The following SP3 variants were observed in gnomAD, a reference collection of about 807,000 sequenced individuals.
SP3 encodes Sp3 transcription factor.
Under a neutral mutation model 70.3 loss-of-function variants are expected in SP3, and 10 were observed. The ratio of observed to expected loss-of-function variants is 0.14; its 90% CI spans 0.09 to 0.24. The LOEUF is 0.24. SP3 is among the 10% of genes least tolerant of loss of function. The probability of loss-of-function intolerance (pLI) is 1.00; values close to 1 mark genes in which losing one functional copy is unlikely to be tolerated. For missense variants in SP3, 825 were observed against 914.6 expected (o/e 0.90, Z 1.26); for synonymous variants, 402 against 333.5 (o/e 1.21, Z -2.24).
At chr2:173,913,535 T>C in intron 5 of SP3, 1 of 235,534 alleles carries the variant, frequency 4.2e-6, no homozygotes, top group Non-Finnish European at 8.1e-6. Flanking sequence ...AAAGGACATT[T>C]CATATGTAAA....
At position 173,955,718 on chromosome 2, in the gene SP3, G is replaced by C. The variant is rs762983439; in HGVS notation, c.794C>G (p.Thr265Arg). ...ATCGACACTATTGATTGGTACAAAC[G>C]TAATATTTCCTGGCAGACCAAGAGG... ...NVPLGLPGNI[T>R]FVPINSVDLD... is the part of the protein sequence containing the mutation. Residue 265 changes from threonine to arginine, a missense_variant, in exon 4 of 7, where the codon ACG (threonine) becomes AGG (arginine). By Grantham distance (71) the Thr-to-Arg change is moderately conservative. Around this residue, in one of 4 missense-constraint regions of SP3, gnomAD observed 678 missense variants for 651.6 expected, o/e 1.04. Transcript: ENST00000310015. 2.5e-6 allele frequency: 4 copies of C among 1,614,164 alleles called. No individual in the cohort carries two copies. Among genetic ancestry groups the C allele is most frequent in the Non-Finnish European group, 3.4e-6 (4 of 1,180,036 alleles).
intron 3 of SP3, among the ~76,000 whole-genome samples, chr2:173,956,608 T>C (rs542561445): frequency 2.6e-5 from 4 of 152,302 alleles, no homozygotes; most frequent in African/African-American, 7.2e-5. Context: ...AACATAAGCA[T>C]AGTGTATTAA....
chr2:173,909,008 G>A lies in SP3; in HGVS notation c.*933C>T, dbSNP rs768426011. The stretch of plus-strand genomic sequence containing the variant: ...GTATCGTCACTATGGAAGTGATTTT[G>A]TTATGTTTGCATATGTTACACTTTA... On this transcript the variant is annotated 3_prime_UTR_variant, in exon 7 of 7. Transcript: ENST00000310015. 4 of 152,048 alleles carry A rather than the reference G, an allele frequency of 2.6e-5. No individual in the cohort carries two copies. The highest frequency in any genetic ancestry group is 5.9e-5 in the Non-Finnish European group (4 of 67,846). 9.4% of individuals were successfully genotyped at this position (152,048 alleles called of 1,614,324 possible).
rs571674239 is a variant in SP3 at position 173,964,304 on chromosome 2, G to A, written c.156+101C>T. The A allele has an allele frequency of 1.2e-3, 687 of 574,378 alleles. 5 individuals are homozygous for A. The African/African-American group carries it at 0.012, about 10-fold the overall frequency. 35.6% of individuals were successfully genotyped at this position (574,378 alleles called of 1,614,324 possible). ...GGGGAGGGGAGTGGAGGGGAGGGGA[G>A]AGACGAGGAGGGAGGGGTGAGGCGA... On this transcript the variant is annotated intron_variant, in intron 2 of 6. Coordinates refer to ENST00000310015, the MANE Select transcript of SP3 (RefSeq NM_003111.5).
intron 6 of SP3, among the ~76,000 whole-genome samples, chr2:173,911,813 C>CTTTTTTTTTTTTTTTTTT: frequency 1.0e-5 from 1 of 98,042 alleles, no homozygotes; most frequent in Non-Finnish European, 1.9e-5. Context: ...TTTTATCTAC[C>CTTTTTTTTTTTTTTTTTT]TTTTTTTTTT....
At chr2:173,954,327 T>A (rs940631208) in intron 4 of SP3, among the ~76,000 whole-genome samples, 1 of 152,190 alleles carries the variant, frequency 6.6e-6, no homozygotes, top group African/African-American at 2.4e-5. Flanking sequence ...AATCAAAGAA[T>A]TTTTGGTCTG....
intron 1 of SP3, 102 bp from the exon 2 acceptor site, chr2:173,964,655 C>T: frequency 3.9e-6 from 2 of 514,638 alleles, no homozygotes; most frequent in South Asian, 4.7e-5. Flanking sequence ...AGCCCGGACC[C>T]AGGCCCCTTC....
At chr2:173,924,641 G>C (rs1200498112) in intron 4 of SP3, among the ~76,000 whole-genome samples, 1 of 152,150 alleles carries the variant, frequency 6.6e-6, no homozygotes, top group Non-Finnish European at 1.5e-5. Flanking sequence ...AGGTTATGTA[G>C]TTTGCCTGAA....
intron 4 of SP3, among the ~76,000 whole-genome samples, chr2:173,947,761 G>A (rs1431821813): frequency 1.3e-5 from 2 of 152,070 alleles, no homozygotes; most frequent in African/African-American, 2.4e-5. Flanking sequence ...TGGAATTTAG[G>A]TTTGCAGGAT....
Position 173,955,388 on chromosome 2 carries a change from G to A in SP3, c.1124C>T (p.Ser375Leu), listed in dbSNP as rs1296180558. 1.9e-6 allele frequency: 3 copies of A among 1,613,996 alleles called. No homozygotes were observed. The highest frequency in any genetic ancestry group is 1.3e-5 in the African/African-American group (1 of 74,990). ...SSDLQGNYIQ[S>L]PVSEETQAQN... Reference sequence around the variant, plus strand: ...TGCCTGTGTCTCTTCAGAAACAGGCGACTGGATATAATTTCCCTGAAGATC... The same window carrying A: ...TGCCTGTGTCTCTTCAGAAACAGGCAACTGGATATAATTTCCCTGAAGATC... The change falls in exon 4 of 7, where the codon TCG becomes TTG. Residue 375 changes from serine (S) to leucine (L), a missense_variant. Transcript: ENST00000310015.
intron 4 of SP3, among the ~76,000 whole-genome samples, chr2:173,945,580 C>T (rs1223706106): frequency 8.6e-5 from 13 of 151,976 alleles, no homozygotes; most frequent in Non-Finnish European, 1.3e-4. Context: ...ACATAAAAGG[C>T]AATTTAACAA....
chr2:173,965,401 C>T (rs1420427398), upstream of SP3: 4 of 566,284 alleles, frequency 7.1e-6, no homozygotes, highest in East Asian at 6.3e-5. Flanking sequence ...CGCCCCTCTT[C>T]TTGGCTCTCA....
At chr2:173,927,711 GTAT>G (rs1226191235) in intron 4 of SP3, among the ~76,000 whole-genome samples, 1 of 152,098 alleles carries the variant, frequency 6.6e-6, no homozygotes, top group African/African-American at 2.4e-5. Flanking sequence ...TTGGAAAACA[GTAT>G]TATTTACTAT....
At chr2:173,928,911 A>G (rs1689993656) in intron 4 of SP3, among the ~76,000 whole-genome samples, 1 of 152,268 alleles carries the variant, frequency 6.6e-6, no homozygotes, top group Non-Finnish European at 1.5e-5. Context: ...GACCAAAATT[A>G]TAATCTAACA....
chr2:173,955,931 T>C lies in SP3; in HGVS notation c.581A>G (p.Asn194Ser), dbSNP rs1690874733. 1.2e-6 allele frequency: 2 copies of C among 1,614,214 alleles called. No homozygotes were observed. The highest frequency in any genetic ancestry group is 2.7e-5 in the African/African-American group (2 of 75,060). The change falls in exon 4 of 7, where the codon AAT becomes AGT. Residue 194 changes from asparagine (N) to serine (S), a missense_variant. By Grantham distance (46) the Asn-to-Ser change is conservative (BLOSUM62 1). Coordinates refer to ENST00000310015, the MANE Select transcript of SP3 (RefSeq NM_003111.5). ...VQIGFTGSSD[N>S]GGINQESSQI... ...ACTGCTTTCTTGATTTATACCCCCA[T>C]TATCTGAAGAGCCTGTGAAACCAAT...
At chr2:173,964,882 TCACA>T in intron 1 of SP3, 1 of 500,220 alleles carries the variant, frequency 2.0e-6, no homozygotes, top group Non-Finnish European at 3.5e-6. Context: ...CGTCAGTCAC[TCACA>T]CACGCCCGCC....
Position 173,956,082 on chromosome 2 carries a change from G to C in SP3, c.430C>G (p.Gln144Glu). The change falls in exon 4 of 7, where the codon CAG (glutamine) becomes GAG (glutamate). Residue 144 changes from glutamine (Q) to glutamate (E), a missense_variant. Gln to Glu is a conservative substitution (Grantham distance 29). This residue lies in a region of SP3 where 678 missense variants were observed against 651.6 expected (regional missense o/e 1.04). Transcript: ENST00000310015. ...AATATTTGTTGATTCTGCAAATTCT[G>C]AAGGGGAAGAACATACTGCCCACTT... ...TSSGQYVLPL[Q>E]NLQNQQIFSV... The C allele has an allele frequency of 6.2e-7, 1 of 1,614,138 alleles. No homozygotes were observed. The highest frequency in any genetic ancestry group is 8.5e-7 in the Non-Finnish European group (1 of 1,180,024).
Position 173,909,937 on chromosome 2 carries a change from A to G in SP3, c.*4T>C. ...ACCACAATGAATAAGTATTTGTGTA[A>G]TATTTACTCCATTGTCTCATTTCCA... On this transcript the variant is annotated 3_prime_UTR_variant, in exon 7 of 7. Coordinates refer to ENST00000310015, the MANE Select transcript of SP3 (RefSeq NM_003111.5). 6.2e-7 allele frequency: 1 copy of G among 1,608,924 alleles called. No individual in the cohort carries two copies. Among genetic ancestry groups the G allele is most frequent in the Non-Finnish European group, 8.5e-7 (1 of 1,175,452 alleles).
intron 3 of SP3, chr2:173,963,097 A>C (rs545596967): frequency 5.3e-5 from 8 of 152,188 alleles, no homozygotes; most frequent in African/African-American, 1.9e-4. Context: ...TGTTATATTC[A>C]GTTTCAAAAT....
Sources: allele counts gnomAD v4.1 joint callset (sites outside exome capture counted in the v4.1 genomes callset), GRCh38; gene constraint gnomAD v4.1.1; regional missense constraint gnomAD v4.1.1; transcripts MANE v1.5; gene names NCBI Gene and HGNC (gene_info 2026-07-23, HGNC 2026-07-21).